Variants in LARP6 observed in about 807,000 individuals in gnomAD.
LARP6 encodes La ribonucleoprotein 6, translational regulator, also known as la-related protein 6.
A neutral mutation model predicts 32.8 loss-of-function variants in LARP6; 18 were observed. The observed-to-expected ratio is 0.55, with a 90% CI of 0.38 to 0.81. The LOEUF (loss-of-function observed/expected upper bound fraction) is 0.81, where lower values mean the gene tolerates loss of function less well. Ranked by LOEUF, LARP6 falls within the 40% of genes least tolerant of loss-of-function variation. The pLI, the probability that LARP6 is intolerant of heterozygous loss-of-function variation, is 0.00. For synonymous variants in LARP6, 289 were observed against 267.2 expected (o/e 1.08, Z -0.80); for missense variants, 598 against 663.1 (o/e 0.90, Z 1.08).
Position 70,832,606 on chromosome 15 carries a change from C to T in LARP6, c.922G>A (p.Glu308Lys), listed in dbSNP as rs775333075. 45 of 1,603,732 alleles carry T rather than the reference C, an allele frequency of 2.8e-5. No homozygotes were observed. The highest frequency in any genetic ancestry group is 3.5e-5 in the Admixed American group (2 of 57,846). Residue 308 changes from glutamate (E) to lysine (K), a missense_variant, in exon 3 of 3, where the codon GAG (glutamate) becomes AAG (lysine). Physicochemically the swap from Glu to Lys is moderately conservative, Grantham distance 56 (BLOSUM62 1). Transcript: ENST00000299213. ...AGGTGGATGCTCGCAGTGGGCTCCTCGTCATGATTTTTGTCTTTGGCAGGT... is the reference window on the plus strand; with the variant it reads ...AGGTGGATGCTCGCAGTGGGCTCCTTGTCATGATTTTTGTCTTTGGCAGGT... Reference protein sequence around the residue: ...KKPAKDKNHDEEPTASIHLNK... With the variant: ...KKPAKDKNHDKEPTASIHLNK...
At position 70,851,691 on chromosome 15, in the gene LARP6, A is replaced by T. The variant is rs1273623584; in HGVS notation, c.200+2198T>A. On this transcript the variant is annotated intron_variant, in intron 1 of 2. Transcript: ENST00000299213. ...TGAAGATACAATGAACGAAGCAAGC[A>T]TGGTCCTTGAATTCACCGAGCTCCT... 3 of 1,614,206 alleles carry T rather than the reference A, an allele frequency of 1.9e-6. No individual in the cohort carries two copies. The East Asian group carries it at 6.7e-5, about 36-fold the overall frequency.
At chr15:70,845,308 C>A (rs2032326064) in intron 1 of LARP6, among the ~76,000 whole-genome samples, 1 of 152,214 alleles carries the variant, frequency 6.6e-6, no homozygotes, top group Admixed American at 6.5e-5. Flanking sequence ...TCCTGAGGCT[C>A]CTCTTGGCTG....
At chr15:70,845,169 A>C (rs961798393) in intron 1 of LARP6, among the ~76,000 whole-genome samples, 3 of 152,104 alleles carry the variant, frequency 2.0e-5, no homozygotes, top group Non-Finnish European at 4.4e-5. Context: ...TCATTAGTTC[A>C]TTATATATTA....
Position 70,832,384 on chromosome 15 carries a change from A to T in LARP6, c.1144T>A (p.Trp382Arg). 6.2e-7 allele frequency: 1 copy of T among 1,612,070 alleles called. No homozygotes were observed. The highest frequency in any genetic ancestry group is 8.5e-7 in the Non-Finnish European group (1 of 1,179,122). Residue 382 changes from tryptophan (W) to arginine (R), a missense_variant, in exon 3 of 3, where the codon TGG (tryptophan) becomes AGG (arginine). Physicochemically the swap from Trp to Arg is moderately radical, Grantham distance 101. Around this residue, in one of 3 missense-constraint regions of LARP6, gnomAD observed 368 missense variants for 397.9 expected, o/e 0.92. Coordinates refer to ENST00000299213, the MANE Select transcript of LARP6 (RefSeq NM_018357.4). ...TTGCGTTGGGCCAAGGGGCTGCTCC[A>T]AGGACTTGTGCACGGGGAGGCATTT... ...SPNASPCTSP[W>R]SSPLAQRKGV...
At chr15:70,840,686 T>C (rs1023199155) in intron 1 of LARP6, among the ~76,000 whole-genome samples, 2 of 152,032 alleles carry the variant, frequency 1.3e-5, no homozygotes, top group Non-Finnish European at 2.9e-5. Flanking sequence ...TAATGGCCGG[T>C]GAAGAGTTTT....
At chr15:70,853,854 C>T in intron 1 of LARP6, 35 bp downstream of exon 1, 1 of 1,227,710 alleles carries the variant, frequency 8.1e-7, no homozygotes. Flanking sequence ...GGCGCCCCCT[C>T]GGGGCCCACC....
Position 70,854,149 on chromosome 15 carries a change from GC to G in LARP6, c.-62del. ...GCCGCAAGGCCCAGCCAGCCGGTCG[GC>G]AGCGACTGCGACGAGGGGGCGGGGG... On this transcript the variant is annotated 5_prime_UTR_variant, in exon 1 of 3. Transcript: ENST00000299213. 1.7e-6 allele frequency: 2 copies of G among 1,165,728 alleles called. No homozygotes were observed. The highest frequency in any genetic ancestry group is 2.1e-6 in the Non-Finnish European group (2 of 934,918). The allele number at this position is 1,165,728 out of a possible 1,614,324, so 72.2% of individuals were successfully genotyped here.
chr15:70,832,505 G>GT lies in LARP6; in HGVS notation c.1022dup (p.Asp341GlufsTer63). On this transcript the variant is annotated frameshift_variant, in exon 3 of 3. Coordinates refer to ENST00000299213, the MANE Select transcript of LARP6 (RefSeq NM_018357.4). LOFTEE classifies it high-confidence loss of function. ...TAGGGGATGTGGGGTTGCTCTCGGG[G>GT]TCAGAGGAGCTGTTGGCAGAAGACT... 2 of 1,543,498 alleles carry GT rather than the reference G, an allele frequency of 1.3e-6. No individual in the cohort carries two copies. The highest frequency in any genetic ancestry group is 1.7e-6 in the Non-Finnish European group (2 of 1,148,836).
Position 70,836,623 on chromosome 15 carries a change from G to T in LARP6, c.201-118C>A. 3 of 782,846 alleles carry T rather than the reference G, an allele frequency of 3.8e-6. No individual in the cohort carries two copies. The South Asian group carries it at 4.8e-5, about 13-fold the overall frequency. 48.5% of individuals were successfully genotyped at this position (782,846 alleles called of 1,614,324 possible). A position where few individuals can be genotyped will look rare whatever the true frequency, so the allele number is the denominator to read the frequency against. On this transcript the variant is annotated intron_variant, in intron 1 of 2. Transcript: ENST00000299213. ...GGAGTATGATGTTATTTGGAAATGG[G>T]GGTCACTGCAGATGCAATTAATTAA... is the stretch of plus-strand genomic sequence containing the variant.
intron 2 of LARP6, among the ~76,000 whole-genome samples, chr15:70,833,530 G>T (rs1408434933): frequency 6.6e-6 from 1 of 152,188 alleles, no homozygotes; most frequent in Non-Finnish European, 1.5e-5. Flanking sequence ...GATGTTAATA[G>T]TGCCATCTCA....
Position 70,830,745 on chromosome 15 carries a change from G to A in LARP6, c.*1307C>T, listed in dbSNP as rs1427122110. ...ATCACTGTTCAATAATTATTAACAA[G>A]CTCTATTAAATCCTGCCAAATAGCC... On this transcript the variant is annotated 3_prime_UTR_variant, in exon 3 of 3. Coordinates refer to ENST00000299213, the MANE Select transcript of LARP6 (RefSeq NM_018357.4). The A allele has an allele frequency of 6.6e-6, 1 of 152,220 alleles. No homozygotes were observed. The highest frequency in any genetic ancestry group is 1.9e-4 in the East Asian group (1 of 5,198). The allele number at this position is 152,220 out of a possible 1,614,324, so 9.4% of individuals were successfully genotyped here.
chr15:70,852,915 C>T (rs578120482), intron 1 of LARP6, among the ~76,000 whole-genome samples: 41 of 152,200 alleles, frequency 2.7e-4, no homozygotes, highest in African/African-American at 8.9e-4. Flanking sequence ...TAGATATACG[C>T]TTGCCAGGAC....
intron 1 of LARP6, 34 bp downstream of exon 1, chr15:70,853,855 G>C: frequency 8.1e-7 from 1 of 1,227,156 alleles, no homozygotes; most frequent in Non-Finnish European, 1.0e-6. Context: ...GCGCCCCCTC[G>C]GGGCCCACCT....
In LARP6 at chr15:70,846,956, ATCT is replaced by A. The variant is rs564260927; in HGVS notation, c.200+6930_200+6932del. ...ATCATTTCTACTTCTCCCAACACTT[ATCT>A]ATATTTGTATTATAGCTACTTGTGT... is the stretch of plus-strand genomic sequence containing the variant. On this transcript the variant is annotated intron_variant, in intron 1 of 2. Coordinates refer to ENST00000299213, the MANE Select transcript of LARP6 (RefSeq NM_018357.4). Among the ~76,000 whole-genome samples, 23 of 152,306 alleles carry A rather than the reference ATCT, an allele frequency of 1.5e-4. No homozygotes were observed. The South Asian group carries it at 4.3e-3, about 29-fold the overall frequency.
intron 2 of LARP6, among the ~76,000 whole-genome samples, chr15:70,835,979 G>A (rs1423706107): frequency 2.6e-5 from 4 of 152,150 alleles, no homozygotes; most frequent in East Asian, 1.9e-4. Flanking sequence ...GAGTCCGTCT[G>A]TCCTGGTATC....
rs183642972 is a variant in LARP6, at chr15:70,848,796, G to A, written c.200+5093C>T. 9.9e-5 allele frequency: 15 copies of A among 152,168 alleles called. No homozygotes were observed. In the East Asian group the frequency reaches 2.9e-3, roughly 29 times the overall value. The allele number at this position is 152,168 out of a possible 1,614,324, so 9.4% of individuals were successfully genotyped here. A position where few individuals can be genotyped will look rare whatever the true frequency, so the allele number is the denominator to read the frequency against. On this transcript the variant is annotated intron_variant, in intron 1 of 2. Coordinates refer to ENST00000299213, the MANE Select transcript of LARP6 (RefSeq NM_018357.4). ...GCAGGGAAAAGACAGCCTGTACAAT[G>A]TCCCAAAAACATCATGGAAAAAAAG... is the stretch of plus-strand genomic sequence containing the variant.
At position 70,832,957 on chromosome 15, in the gene LARP6, G is replaced by A; in HGVS notation, c.571C>T (p.Leu191Phe). 5 of 1,609,292 alleles carry A rather than the reference G, an allele frequency of 3.1e-6. No homozygotes were observed. The highest frequency in any genetic ancestry group is 3.4e-6 in the Non-Finnish European group (4 of 1,177,444). ...GCCCACAGCTTAGGAGACAAGTAGAGATCATAGACCAGGAGCATCTTGCTG... is the reference window on the plus strand; with the variant it reads ...GCCCACAGCTTAGGAGACAAGTAGAAATCATAGACCAGGAGCATCTTGCTG... ...LPSKMLLVYD[L>F]YLSPKLWALA... The change falls in exon 3 of 3, where the codon CTC (leucine) becomes TTC (phenylalanine). Residue 191 changes from leucine to phenylalanine, a missense_variant. Leu to Phe is a conservative substitution (Grantham distance 22). This residue lies in a region of LARP6 where 368 missense variants were observed against 397.9 expected (regional missense o/e 0.92). Transcript: ENST00000299213.
chr15:70,832,028 G>T lies in LARP6; in HGVS notation c.*24C>A. The T allele has an allele frequency of 6.3e-6, 9 of 1,432,520 alleles. No individual in the cohort carries two copies. Among genetic ancestry groups the T allele is most frequent in the Non-Finnish European group, 8.4e-6 (9 of 1,076,562 alleles). 88.7% of individuals were successfully genotyped at this position (1,432,520 alleles called of 1,614,324 possible). A position where few individuals can be genotyped will look rare whatever the true frequency, so the allele number is the denominator to read the frequency against. ...GAAAACGAAGGTGGTTTTCAGTGGA[G>T]CTTGTATTAAAAATAGAAGGTATTT... On this transcript the variant is annotated 3_prime_UTR_variant, in exon 3 of 3. Coordinates refer to ENST00000299213, the MANE Select transcript of LARP6 (RefSeq NM_018357.4).
At chr15:70,835,970 A>T (rs2141050101) in intron 2 of LARP6, among the ~76,000 whole-genome samples, 1 of 152,290 alleles carries the variant, frequency 6.6e-6, no homozygotes, top group African/African-American at 2.4e-5. Flanking sequence ...AAGGCCTTCG[A>T]GTCCGTCTGT....
Sources: gnomAD v4.1 joint callset for allele counts (sites outside exome capture counted in the v4.1 genomes callset) on GRCh38, gnomAD v4.1.1 for gene constraint, gnomAD v4.1.1 regional missense constraint, MANE v1.5 for transcripts, NCBI Gene and HGNC (gene_info 2026-07-23, HGNC 2026-07-21) for gene names.